SEMA6B: variants seen among roughly 807,000 people sequenced by gnomAD.
SEMA6B encodes semaphorin-6B.
SEMA6B carries 47 observed loss-of-function variants against 78.6 expected under a neutral mutation model. That is an observed-to-expected ratio of 0.60 (90% confidence interval 0.47 to 0.76). The LOEUF (loss-of-function observed/expected upper bound fraction) is 0.76, where lower values mean the gene tolerates loss of function less well. Among genes scored for constraint, SEMA6B ranks in the 30% least tolerant of loss-of-function variants. The probability of loss-of-function intolerance (pLI) is 0.00; values close to 1 mark genes in which losing one functional copy is unlikely to be tolerated. For missense variants in SEMA6B, 1,213 were observed against 1,269.9 expected (o/e 0.96, Z 0.68); for synonymous variants, 632 against 592.2 (o/e 1.07, Z -0.98).
intron 9 of SEMA6B, among the ~76,000 whole-genome samples, chr19:4,553,790 G>GGGT (rs1977399889): frequency 7.1e-6 from 1 of 141,504 alleles, no homozygotes; most frequent in African/African-American, 2.7e-5. Flanking sequence ...ATGGGTGGAT[G>GGGT]GGATGGATGG....
chr19:4,546,437 C>A lies in SEMA6B; in HGVS notation c.1634G>T (p.Gly545Val), dbSNP rs1156484344. 16 of 1,576,196 alleles carry A rather than the reference C, an allele frequency of 1.0e-5. No homozygotes were observed. Among genetic ancestry groups the A allele is most frequent in the African/African-American group, 1.4e-5 (1 of 74,058 alleles). Residue 545 changes from glycine to valine, a missense_variant, in exon 15 of 17, where the codon GGG becomes GTG. Transcript: ENST00000586582. Reference protein sequence around the residue: ...NCIGSQDPYCGWAPDGSCIFL... With the variant: ...NCIGSQDPYCVWAPDGSCIFL... ...GATGCAGGAGCCGTCGGGGGCCCAC[C>A]CGCAGTAGGGGTCCTGACTGCCGAT...
chr19:4,552,775 G>A lies in SEMA6B; in HGVS notation c.772-136C>T, dbSNP rs535382735. ...TCTGGTGGGACCCCGGCCAGTCACCGTTCCTCTCTGGGCACCGGCTTCCCT... is the reference window on the plus strand; with the variant it reads ...TCTGGTGGGACCCCGGCCAGTCACCATTCCTCTCTGGGCACCGGCTTCCCT... On this transcript the variant is annotated intron_variant, in intron 9 of 16. Transcript: ENST00000586582. The surrounding 1 kb of genome is among the most constrained non-coding windows in gnomAD (Gnocchi z 7.4). 9.6e-5 allele frequency: 73 copies of A among 759,950 alleles called. 1 individual carries two copies. In the South Asian group the frequency reaches 1.0e-3, roughly 11 times the overall value. 47.1% of individuals were successfully genotyped at this position (759,950 alleles called of 1,614,324 possible).
Position 4,555,577 on chromosome 19 carries a change from T to C in SEMA6B, c.472-13A>G, listed in dbSNP as rs762281059. 5.6e-6 allele frequency: 9 copies of C among 1,610,032 alleles called. No homozygotes were observed. The highest frequency in any genetic ancestry group is 4.0e-5 in the African/African-American group (3 of 74,768). On this transcript the variant is annotated splice_polypyrimidine_tract_variant and intron_variant, in intron 6 of 16. Transcript: ENST00000586582. This position sits in a 1 kb window ranked among gnomAD's most constrained non-coding sequence, Gnocchi z 6.1. ...GCAGGGTGTCTATCTGCAGGGACCA[T>C]GGGGCCTGAGTGACAGATCTCCTGA...
In SEMA6B at chr19:4,544,439, C is replaced by G; in HGVS notation, c.1829G>C (p.Gly610Ala). ...VTSSVAAFVV[G>A]AVVSGFSVGW... The stretch of plus-strand genomic sequence containing the variant: ...CACGCTGAAGCCGGACACCACGGCT[C>G]CCACCACGAAGGCCGCCACCGACGA... The change falls in exon 17 of 17, where the codon GGA (glycine) becomes GCA (alanine). Residue 610 changes from glycine (G) to alanine (A), a missense_variant. Coordinates refer to ENST00000586582, the MANE Select transcript of SEMA6B (RefSeq NM_032108.4). The surrounding 1 kb of genome is among the most constrained non-coding windows in gnomAD (Gnocchi z 5.1). The G allele has an allele frequency of 6.2e-7, 1 of 1,601,038 alleles. No individual in the cohort carries two copies. The highest frequency in any genetic ancestry group is 8.5e-7 in the Non-Finnish European group (1 of 1,174,806).
chr19:4,548,165 C>T lies in SEMA6B; in HGVS notation c.1463G>A (p.Arg488Gln), dbSNP rs202076179. 1.4e-4 allele frequency: 217 copies of T among 1,590,930 alleles called. No individual in the cohort carries two copies. The highest frequency in any genetic ancestry group is 1.5e-4 in the Non-Finnish European group (174 of 1,165,808). Residue 488 changes from arginine to glutamine, a missense_variant, in exon 14 of 17, where the codon CGG becomes CAG. Coordinates refer to ENST00000586582, the MANE Select transcript of SEMA6B (RefSeq NM_032108.4). Reference protein sequence around the residue: ...FETYRPDRCGRPGGGETGQRL... With the variant: ...FETYRPDRCGQPGGGETGQRL... ...CTGCCCTGTCTCGCCACCGCCGGGC[C>T]GTCCACACCTGGGGACAAGCAGAGT... is the stretch of plus-strand genomic sequence containing the variant.
rs1555698169 is a variant in SEMA6B at position 4,556,091 on chromosome 19, T to C, written c.370-2A>G. On this transcript the variant is annotated splice_acceptor_variant, in intron 5 of 16. Coordinates refer to ENST00000586582, the MANE Select transcript of SEMA6B (RefSeq NM_032108.4). LOFTEE classifies it high-confidence loss of function. ...CTTTACGAAGTTTCGACACTCGCCC[T>C]GAGGTGGGGACAGGAGGAAGCGGGG... is the stretch of plus-strand genomic sequence containing the variant. 1 of 1,610,818 alleles carries C rather than the reference T, an allele frequency of 6.2e-7. No individual in the cohort carries two copies. Among genetic ancestry groups the C allele is most frequent in the Non-Finnish European group, 8.5e-7 (1 of 1,177,212 alleles).
rs202093015 is a variant in SEMA6B at position 4,550,175 on chromosome 19, C to T, written c.1219G>A (p.Glu407Lys). Residue 407 changes from glutamate to lysine, a missense_variant, in exon 12 of 17, where the codon GAG becomes AAG. Glu to Lys is a moderately conservative substitution (Grantham distance 56). Transcript: ENST00000586582. This position sits in a 1 kb window ranked among gnomAD's most constrained non-coding sequence, Gnocchi z 6.6. Reference sequence around the variant, plus strand: ...GCATGGCCCAGCGAGGGCACCGCCTCGTCCATCAGAGGGTGGGTCTTGACA... The same window carrying T: ...GCATGGCCCAGCGAGGGCACCGCCTTGTCCATCAGAGGGTGGGTCTTGACA... Reference protein sequence around the residue: ...NFVKTHPLMDEAVPSLGHAPW... With the variant: ...NFVKTHPLMDKAVPSLGHAPW... The T allele has an allele frequency of 1.1e-4, 170 of 1,613,714 alleles. No homozygotes were observed. The highest frequency in any genetic ancestry group is 4.5e-5 in the East Asian group (2 of 44,886).
chr19:4,547,042 C>T (rs1977187666), intron 14 of SEMA6B, among the ~76,000 whole-genome samples: 1 of 152,048 alleles, frequency 6.6e-6, no homozygotes, highest in Admixed American at 6.6e-5. Context: ...TCACTGCAGC[C>T]TCAACCTCCC....
At chr19:4,557,324 G>T in intron 3 of SEMA6B, 101 bp from the exon 4 acceptor site, 1 of 792,312 alleles carries the variant, frequency 1.3e-6, no homozygotes, top group South Asian at 1.8e-5. Context: ...GGCATGCAGG[G>T]CCATGCCAAT....
intron 9 of SEMA6B, among the ~76,000 whole-genome samples, chr19:4,553,412 T>TGGATGGATGGAC (rs56144794): frequency 1.5e-5 from 2 of 136,610 alleles, no homozygotes; most frequent in African/African-American, 5.7e-5. Context: ...GATGGATGGA[T>TGGATGGATGGAC]AGGTGAGTTG....
chr19:4,550,034 G>A lies in SEMA6B; in HGVS notation c.1271+89C>T. 7.4e-7 allele frequency: 1 copy of A among 1,343,512 alleles called. No homozygotes were observed. Among genetic ancestry groups the A allele is most frequent in the Admixed American group, 2.0e-5 (1 of 50,970 alleles). The allele number at this position is 1,343,512 out of a possible 1,614,324, so 83.2% of individuals were successfully genotyped here. On this transcript the variant is annotated intron_variant, in intron 12 of 16. Coordinates refer to ENST00000586582, the MANE Select transcript of SEMA6B (RefSeq NM_032108.4). The surrounding 1 kb of genome is among the most constrained non-coding windows in gnomAD (Gnocchi z 6.6). ...CTCTGGGCAGCGCCGGAAGCCATGG[G>A]CTCATCTGTGTTGAGCATCTGGATC...
At position 4,558,567 on chromosome 19, in the gene SEMA6B, G is replaced by A. The variant is rs1977539166; in HGVS notation, c.-32-78C>T. The A allele has an allele frequency of 3.2e-6, 3 of 930,686 alleles. No homozygotes were observed. The highest frequency in any genetic ancestry group is 4.2e-6 in the Non-Finnish European group (3 of 713,178). 57.7% of individuals were successfully genotyped at this position (930,686 alleles called of 1,614,324 possible). ...AAGACGGCGGGCGAGAGCAGCAGACGCTCCTTCAAATCCCAGAAAAATTCC... is the reference window on the plus strand; with the variant it reads ...AAGACGGCGGGCGAGAGCAGCAGACACTCCTTCAAATCCCAGAAAAATTCC... On this transcript the variant is annotated intron_variant, in intron 1 of 16. Coordinates refer to ENST00000586582, the MANE Select transcript of SEMA6B (RefSeq NM_032108.4). This position sits in a 1 kb window ranked among gnomAD's most constrained non-coding sequence, Gnocchi z 5.1.
In SEMA6B at chr19:4,558,518, G is replaced by A; in HGVS notation, c.-32-29C>T. On this transcript the variant is annotated intron_variant, in intron 1 of 16. Coordinates refer to ENST00000586582, the MANE Select transcript of SEMA6B (RefSeq NM_032108.4). This position sits in a 1 kb window ranked among gnomAD's most constrained non-coding sequence, Gnocchi z 5.1. ...CGGGCAAGGGGCGGCGAGGTGAGCG[G>A]CCTGCAGTCCCGCTCGTGGCCACAA... 1 of 1,231,478 alleles carries A rather than the reference G, an allele frequency of 8.1e-7. No individual in the cohort carries two copies. Among genetic ancestry groups the A allele is most frequent in the Non-Finnish European group, 1.0e-6 (1 of 985,890 alleles). 76.3% of individuals were successfully genotyped at this position (1,231,478 alleles called of 1,614,324 possible). A position where few individuals can be genotyped will look rare whatever the true frequency, so the allele number is the denominator to read the frequency against.
At position 4,544,994 on chromosome 19, in the gene SEMA6B, G is replaced by A. The variant is rs1307819991; in HGVS notation, c.1739-465C>T. On this transcript the variant is annotated intron_variant, in intron 16 of 16. Transcript: ENST00000586582. This position sits in a 1 kb window ranked among gnomAD's most constrained non-coding sequence, Gnocchi z 5.1. ...TTTTGAGACAGTCCCCCAGGCTAGA[G>A]TGCAGTGGTAAAGCTCACTGCAACC... Among the ~76,000 whole-genome samples the A allele has an allele frequency of 6.6e-6, 1 of 151,940 alleles. No homozygotes were observed. Among genetic ancestry groups the A allele is most frequent in the Non-Finnish European group, 1.5e-5 (1 of 68,012 alleles).
chr19:4,543,960 G>A lies in SEMA6B; in HGVS notation c.2308C>T (p.Pro770Ser). Residue 770 changes from proline (P) to serine (S), a missense_variant, in exon 17 of 17, where the codon CCC (proline) becomes TCC (serine). By Grantham distance (74) the Pro-to-Ser change is moderately conservative. Coordinates refer to ENST00000586582, the MANE Select transcript of SEMA6B (RefSeq NM_032108.4). The part of the protein sequence containing the change: ...EQPPAPGEPT[P>S]DGRLYAARPG... Reference sequence around the variant, plus strand: ...CGGGCAGCATAGAGGCGGCCGTCGGGGGTCGGCTCCCCAGGCGCGGGGGGC... The same window carrying A: ...CGGGCAGCATAGAGGCGGCCGTCGGAGGTCGGCTCCCCAGGCGCGGGGGGC... 8.3e-7 allele frequency: 1 copy of A among 1,202,534 alleles called. No individual in the cohort carries two copies. Among genetic ancestry groups the A allele is most frequent in the Non-Finnish European group, 1.0e-6 (1 of 969,332 alleles). The allele number at this position is 1,202,534 out of a possible 1,614,324, so 74.5% of individuals were successfully genotyped here.
chr19:4,552,383 C>A lies in SEMA6B; in HGVS notation c.989+39G>T. ...TACAGGCCCTCTCTACCCATGCCCA[C>A]CAAATGCTCCCAGTTTGCTCCCATT... is the stretch of plus-strand genomic sequence containing the variant. On this transcript the variant is annotated intron_variant, in intron 10 of 16. Coordinates refer to ENST00000586582, the MANE Select transcript of SEMA6B (RefSeq NM_032108.4). This position sits in a 1 kb window ranked among gnomAD's most constrained non-coding sequence, Gnocchi z 7.4. 2 of 1,540,530 alleles carry A rather than the reference C, an allele frequency of 1.3e-6. No homozygotes were observed. The highest frequency in any genetic ancestry group is 1.8e-6 in the Non-Finnish European group (2 of 1,139,434).
At position 4,544,308 on chromosome 19, in the gene SEMA6B, G is replaced by C; in HGVS notation, c.1960C>G (p.Leu654Val). 2 of 1,480,046 alleles carry C rather than the reference G, an allele frequency of 1.4e-6. No individual in the cohort carries two copies. Among genetic ancestry groups the C allele is most frequent in the Middle Eastern group, 2.1e-4 (1 of 4,726 alleles). 91.7% of individuals were successfully genotyped at this position (1,480,046 alleles called of 1,614,324 possible). The change falls in exon 17 of 17, where the codon CTG (leucine) becomes GTG (valine). Residue 654 changes from leucine (L) to valine (V), a missense_variant. Coordinates refer to ENST00000586582, the MANE Select transcript of SEMA6B (RefSeq NM_032108.4). The surrounding 1 kb of genome is among the most constrained non-coding windows in gnomAD (Gnocchi z 5.1). ...AGEAVLSVSRLGERRAQGPGG... is the reference protein window; with the variant it reads ...AGEAVLSVSRVGERRAQGPGG... ...GGACCCTGCGCCCTGCGCTCGCCCAGGCGGCTGACGCTCAGCACCGCCTCG... is the reference window on the plus strand; with the variant it reads ...GGACCCTGCGCCCTGCGCTCGCCCACGCGGCTGACGCTCAGCACCGCCTCG...
Position 4,544,285 on chromosome 19 carries a change from A to ACCCTGCG in SEMA6B, c.1976_1982dup (p.Pro662AlafsTer364). ...CACCGCCTCCGCCCCGGCCCCCGGG[A>ACCCTGCG]CCCTGCGCCCTGCGCTCGCCCAGGC... On this transcript the variant is annotated frameshift_variant, in exon 17 of 17. Coordinates refer to ENST00000586582, the MANE Select transcript of SEMA6B (RefSeq NM_032108.4). LOFTEE classifies it high-confidence loss of function. This position sits in a 1 kb window ranked among gnomAD's most constrained non-coding sequence, Gnocchi z 5.1. 7.0e-7 allele frequency: 1 copy of ACCCTGCG among 1,425,326 alleles called. No individual in the cohort carries two copies. 88.3% of individuals were successfully genotyped at this position (1,425,326 alleles called of 1,614,324 possible). A position where few individuals can be genotyped will look rare whatever the true frequency, so the allele number is the denominator to read the frequency against.
Position 4,552,503 on chromosome 19 carries a change from T to C in SEMA6B, c.908A>G (p.Asn303Ser). The change falls in exon 10 of 17, where the codon AAC (asparagine) becomes AGC (serine). Residue 303 changes from asparagine (N) to serine (S), a missense_variant. Physicochemically the swap from Asn to Ser is conservative, Grantham distance 46. Transcript: ENST00000586582. This position sits in a 1 kb window ranked among gnomAD's most constrained non-coding sequence, Gnocchi z 7.4. ...SVPGDSHFYF[N>S]VLQAVTGVVS... is the part of the protein sequence containing the mutation. Reference sequence around the variant, plus strand: ...CACGCCCGTGACAGCCTGCAGCACGTTGAAGTAGAAATGGGAGTCTCCGGG... The same window carrying C: ...CACGCCCGTGACAGCCTGCAGCACGCTGAAGTAGAAATGGGAGTCTCCGGG... The C allele has an allele frequency of 1.2e-6, 2 of 1,612,586 alleles. No individual in the cohort carries two copies. The highest frequency in any genetic ancestry group is 1.7e-6 in the Non-Finnish European group (2 of 1,179,858).
Sources: allele counts gnomAD v4.1 joint callset (sites outside exome capture counted in the v4.1 genomes callset), GRCh38; gene constraint gnomAD v4.1.1; non-coding constraint Gnocchi (gnomAD v3.1); transcripts MANE v1.5; gene names NCBI Gene and HGNC (gene_info 2026-07-23, HGNC 2026-07-21).